Variants in CALN1 observed in about 807,000 individuals in gnomAD.
CALN1 encodes calneuron 1, also known as calcium-binding protein 8.
CALN1 carries 17 observed loss-of-function variants against 30.6 expected under a neutral mutation model. The observed-to-expected ratio is 0.56, with a 90% CI of 0.38 to 0.83. CALN1 has a LOEUF of 0.83. CALN1 is among the 40% of genes least tolerant of loss of function. The pLI is 0.00. For missense variants in CALN1, 291 were observed against 354.9 expected (o/e 0.82, Z 1.45); for synonymous variants, 156 against 131.4 (o/e 1.19, Z -1.28).
chr7:71,859,955 C>T (rs1361960239), intron 5 of CALN1, among the ~76,000 whole-genome samples: 1 of 152,136 alleles, frequency 6.6e-6, no homozygotes, highest in Non-Finnish European at 1.5e-5. Context: ...TCAGGAATGT[C>T]CTAATATCCC....
chr7:72,275,815 A>G (rs1022197088), intron 3 of CALN1, among the ~76,000 whole-genome samples: 1 of 152,194 alleles, frequency 6.6e-6, no homozygotes, highest in Non-Finnish European at 1.5e-5. Context: ...TAGCAAGTTT[A>G]TATGCTTTTC....
intron 2 of CALN1, among the ~76,000 whole-genome samples, chr7:72,392,551 A>G (rs1805642505): frequency 6.6e-6 from 1 of 152,220 alleles, no homozygotes; most frequent in South Asian, 2.1e-4. Context: ...TGTGATGAGT[A>G]GAAATGACTT....
At chr7:71,970,584 C>G (rs1353083764) in intron 5 of CALN1, among the ~76,000 whole-genome samples, 3 of 143,666 alleles carry the variant, frequency 2.1e-5, no homozygotes, top group South Asian at 2.2e-4. Context: ...CAAAATATAC[C>G]TTTTTTTTTT....
intron 3 of CALN1, among the ~76,000 whole-genome samples, chr7:72,164,788 T>C (rs1004929197): frequency 6.6e-6 from 1 of 152,178 alleles, no homozygotes; most frequent in African/African-American, 2.4e-5. Flanking sequence ...CTCAGCCTCC[T>C]GAGCAGCTAG....
At chr7:72,411,990 C>T (rs1807195738) in intron 1 of CALN1, 68 bp downstream of exon 1, 1 of 152,202 alleles carries the variant, frequency 6.6e-6, no homozygotes, top group African/African-American at 2.4e-5. Context: ...CCAGATGGCT[C>T]CCAAACCTGG....
intron 3 of CALN1, among the ~76,000 whole-genome samples, chr7:72,148,388 C>A: frequency 6.8e-6 from 1 of 146,538 alleles, no homozygotes; most frequent in Non-Finnish European, 1.5e-5. Context: ...GGCAACATAG[C>A]AAGACCCCAT....
the CALN1 span, among the ~76,000 whole-genome samples, chr7:72,481,550 G>A: frequency 3.3e-5 from 5 of 152,130 alleles, no homozygotes; most frequent in South Asian, 1.0e-3. Flanking sequence ...GTGTCTCAAG[G>A]TGGAAGCTTA....
chr7:72,052,992 G>T (rs960911210), intron 4 of CALN1, among the ~76,000 whole-genome samples: 1 of 152,184 alleles, frequency 6.6e-6, no homozygotes, highest in Non-Finnish European at 1.5e-5. Context: ...CACTTTGGGA[G>T]GCCAAGGAGG....
chr7:72,477,273 A>G, the CALN1 span, among the ~76,000 whole-genome samples: 1 of 152,070 alleles, frequency 6.6e-6, no homozygotes, highest in South Asian at 2.1e-4. Flanking sequence ...TATTGAGCTG[A>G]GATCTGATGA....
intron 6 of CALN1, among the ~76,000 whole-genome samples, chr7:71,803,987 T>C (rs1787461054): frequency 6.7e-6 from 1 of 150,374 alleles, no homozygotes; most frequent in African/African-American, 2.5e-5. Flanking sequence ...CATGTGTCTG[T>C]TGTTTGTGTT....
At chr7:71,868,922 C>T (rs373916358) in intron 5 of CALN1, among the ~76,000 whole-genome samples, 78 of 152,264 alleles carry the variant, frequency 5.1e-4, no homozygotes, top group African/African-American at 1.6e-3. Flanking sequence ...TTGAAATATA[C>T]GCTGACTCCA....
chr7:71,963,994 T>C (rs895490381), intron 5 of CALN1, among the ~76,000 whole-genome samples: 2 of 152,242 alleles, frequency 1.3e-5, no homozygotes, highest in African/African-American at 4.8e-5. Flanking sequence ...AATGTCCGTG[T>C]ATTTAAACAT....
At chr7:72,460,640 G>A in the CALN1 span, among the ~76,000 whole-genome samples, 8 of 151,978 alleles carry the variant, frequency 5.3e-5, no homozygotes, top group Non-Finnish European at 1.2e-4. Context: ...TCAAAAAAAA[G>A]AAAATGAAAA....
chr7:71,963,265 C>T (rs927178406), intron 5 of CALN1, among the ~76,000 whole-genome samples: 3 of 152,106 alleles, frequency 2.0e-5, no homozygotes, highest in African/African-American at 4.8e-5. Context: ...CTGGTTCAAG[C>T]GATTCTCCTG....
intron 5 of CALN1, among the ~76,000 whole-genome samples, chr7:71,972,159 T>G (rs1001533833): frequency 2.0e-4 from 30 of 152,120 alleles, no homozygotes; most frequent in Admixed American, 2.0e-3. Flanking sequence ...ATCTGGACCC[T>G]GATATGTTTA....
chr7:71,963,021 A>G (rs2129525297), intron 5 of CALN1, among the ~76,000 whole-genome samples: 1 of 152,324 alleles, frequency 6.6e-6, no homozygotes, highest in East Asian at 1.9e-4. Context: ...AGGTTTAAAC[A>G]TAGGTATCCA....
At chr7:71,851,818 A>C (rs939998670) in intron 5 of CALN1, among the ~76,000 whole-genome samples, 3 of 152,182 alleles carry the variant, frequency 2.0e-5, no homozygotes, top group African/African-American at 7.2e-5. Context: ...GTGCACAAAC[A>C]AACAAATGTG....
At chr7:72,061,251 TGAA>T (rs1280691369) in intron 4 of CALN1, among the ~76,000 whole-genome samples, 2 of 152,116 alleles carry the variant, frequency 1.3e-5, no homozygotes, top group African/African-American at 4.8e-5. Context: ...AATCAGCATA[TGAA>T]GAAGCAGGAA....
chr7:72,352,220 C>A (rs1562914801), intron 2 of CALN1, among the ~76,000 whole-genome samples: 1 of 150,900 alleles, frequency 6.6e-6, no homozygotes, highest in Non-Finnish European at 1.5e-5. Flanking sequence ...GTTATCCCAA[C>A]TCTACTAAAA....
Sources: gnomAD v4.1 joint callset for allele counts (sites outside exome capture counted in the v4.1 genomes callset) on GRCh38, gnomAD v4.1.1 for gene constraint, MANE v1.5 for transcripts, NCBI Gene and HGNC (gene_info 2026-07-23, HGNC 2026-07-21) for gene names.